The following MYCBP2 variants were observed in gnomAD, a reference collection of about 807,000 sequenced individuals.
The protein encoded by MYCBP2 is E3 ubiquitin-protein ligase MYCBP2.
Under a neutral mutation model 525.3 loss-of-function variants are expected in MYCBP2, and 120 were observed. The observed-to-expected ratio is 0.23, with a 90% CI of 0.20 to 0.27. The LOEUF (loss-of-function observed/expected upper bound fraction) is 0.27. MYCBP2 is among the 10% of genes least tolerant of loss of function. MYCBP2 has a pLI of 1.00. For missense variants in MYCBP2, 4,149 were observed against 5,657.1 expected (o/e 0.73, Z 8.55); for synonymous variants, 1,894 against 1,955.8 (o/e 0.97, Z 0.83).
chr13:77,323,985 A>G (rs1055724945), intron 1 of MYCBP2, among the ~76,000 whole-genome samples: 7 of 151,510 alleles, frequency 4.6e-5, no homozygotes, highest in Non-Finnish European at 1.0e-4. Flanking sequence ...CCCCTCTCTC[A>G]CTTCTTCACT....
chr13:77,326,508 G>C lies in MYCBP2; in HGVS notation c.268C>G (p.Gln90Glu), dbSNP rs756932934. ...GGGTGTCCAGCGCTGCCGCCCCCCT[G>C]GTCCCTGTCATTGAGCGCAGCGGTA... ...IYTAALNDRDQGGGSAGHPAS... is the reference protein window; with the variant it reads ...IYTAALNDRDEGGGSAGHPAS... Residue 90 changes from glutamine to glutamate, a missense_variant, in exon 1 of 83, where the codon CAG becomes GAG. Around this residue, in one of 21 missense-constraint regions of MYCBP2, gnomAD observed 413 missense variants for 451.2 expected, o/e 0.92. Coordinates refer to ENST00000544440, the MANE Select transcript of MYCBP2 (RefSeq NM_015057.5). This position sits in a 1 kb window ranked among gnomAD's most constrained non-coding sequence, Gnocchi z 4.2. 4.4e-6 allele frequency: 7 copies of C among 1,593,562 alleles called. No homozygotes were observed. Among genetic ancestry groups the C allele is most frequent in the Middle Eastern group, 1.7e-4 (1 of 6,006 alleles).
chr13:77,083,637 G>T (rs2043702938), intron 62 of MYCBP2, among the ~76,000 whole-genome samples: 1 of 151,616 alleles, frequency 6.6e-6, no homozygotes, highest in Admixed American at 6.6e-5. Context: ...ATGTGAATTA[G>T]AAAAAAAAGC....
chr13:77,180,043 CA>C, intron 34 of MYCBP2, 83 bp downstream of exon 34: 1 of 1,197,900 alleles, frequency 8.3e-7, no homozygotes, highest in Non-Finnish European at 1.2e-6. Flanking sequence ...TTAGCTTCCA[CA>C]AAGCCAAAAT....
chr13:77,138,337 C>T (rs1333384547), intron 52 of MYCBP2, among the ~76,000 whole-genome samples: 1 of 152,140 alleles, frequency 6.6e-6, no homozygotes, highest in East Asian at 1.9e-4. Context: ...ATATAAACTA[C>T]TGCTTTGGAG....
intron 76 of MYCBP2, among the ~76,000 whole-genome samples, chr13:77,060,906 A>G (rs1265439993): frequency 6.6e-6 from 1 of 152,200 alleles, no homozygotes; most frequent in Admixed American, 6.5e-5. Context: ...CTCTCACTTT[A>G]TAAATGAAGT....
chr13:77,322,608 A>G (rs1423437070), intron 1 of MYCBP2, among the ~76,000 whole-genome samples: 2 of 152,236 alleles, frequency 1.3e-5, no homozygotes, highest in African/African-American at 2.4e-5. Flanking sequence ...GGCACTTACC[A>G]GGTGCGGACA....
At position 77,186,046 on chromosome 13, in the gene MYCBP2, C is replaced by A. The variant is rs1268139566; in HGVS notation, c.4269G>T (p.Leu1423Phe). ...TCCAGCTCCAGTGAAGAATACTCAA[C>A]AATGACTCAAAACATTCCTAATCCA... ...RTVSVECFESLLSILHWSWTT... is the reference protein window; with the variant it reads ...RTVSVECFESFLSILHWSWTT... Residue 1423 changes from leucine to phenylalanine, a missense_variant, in exon 31 of 83, where the codon TTG becomes TTT. By Grantham distance (22) the Leu-to-Phe change is conservative (BLOSUM62 0). Transcript: ENST00000544440. 6.3e-7 allele frequency: 1 copy of A among 1,590,868 alleles called. No homozygotes were observed. The highest frequency in any genetic ancestry group is 8.5e-7 in the Non-Finnish European group (1 of 1,171,348).
rs1226077192 is a variant in MYCBP2 at position 77,121,560 on chromosome 13, G to A, written c.8018-65C>T. On this transcript the variant is annotated intron_variant, in intron 54 of 82. Coordinates refer to ENST00000544440, the MANE Select transcript of MYCBP2 (RefSeq NM_015057.5). Reference sequence around the variant, plus strand: ...TGCTATTCCCTATTCATACAACAAAGAGAGAAAATTGCAAAAGATTTTATG... The same window carrying A: ...TGCTATTCCCTATTCATACAACAAAAAGAGAAAATTGCAAAAGATTTTATG... The A allele has an allele frequency of 3.6e-6, 5 of 1,374,954 alleles. No homozygotes were observed. In the African/African-American group the frequency reaches 5.9e-5, roughly 16 times the overall value. 85.2% of individuals were successfully genotyped at this position (1,374,954 alleles called of 1,614,324 possible). A position where few individuals can be genotyped will look rare whatever the true frequency, so the allele number is the denominator to read the frequency against.
intron 1 of MYCBP2, among the ~76,000 whole-genome samples, chr13:77,311,506 C>T (rs73223457): frequency 0.02 from 2,969 of 147,668 alleles, 56 homozygotes; most frequent in Middle Eastern, 0.072. Context: ...TGAGGAAAGA[C>T]AAGGACAACT....
intron 49 of MYCBP2, among the ~76,000 whole-genome samples, chr13:77,143,741 A>G (rs1371560584): frequency 6.6e-6 from 1 of 152,212 alleles, no homozygotes; most frequent in Admixed American, 6.5e-5. Flanking sequence ...AGTGGACTTA[A>G]GCAAACCTAG....
At chr13:77,229,481 T>C (rs2066823723) in intron 18 of MYCBP2, among the ~76,000 whole-genome samples, 1 of 152,194 alleles carries the variant, frequency 6.6e-6, no homozygotes, top group African/African-American at 2.4e-5. Context: ...TTAAATCCTT[T>C]GTAAAAATAA....
intron 55 of MYCBP2, chr13:77,118,543 T>A (rs758086571): frequency 2.6e-6 from 2 of 759,562 alleles, no homozygotes; most frequent in Admixed American, 1.7e-5. Flanking sequence ...TTCATTAACA[T>A]CCAAAATGGC....
At chr13:77,082,254 C>A (rs2043429522) in intron 63 of MYCBP2, 3 of 326,248 alleles carry the variant, frequency 9.2e-6, no homozygotes, top group African/African-American at 2.1e-5. Flanking sequence ...AAGATCAAGG[C>A]TACAGAAGCA....
intron 19 of MYCBP2, 151 bp downstream of exon 19, chr13:77,225,284 G>A: frequency 1.1e-6 from 1 of 926,060 alleles, no homozygotes; most frequent in South Asian, 2.1e-5. Flanking sequence ...AAGAGATTCT[G>A]TAATAAATAC....
intron 18 of MYCBP2, among the ~76,000 whole-genome samples, chr13:77,227,496 ACACAC>A (rs2066459216): frequency 6.6e-6 from 1 of 151,482 alleles, no homozygotes. Context: ...ACACACACAC[ACACAC>A]ACACACACAC....
At position 77,097,696 on chromosome 13, in the gene MYCBP2, T is replaced by G; in HGVS notation, c.9458A>C (p.Lys3153Thr). 1 of 1,613,704 alleles carries G rather than the reference T, an allele frequency of 6.2e-7. No homozygotes were observed. Among genetic ancestry groups the G allele is most frequent in the Non-Finnish European group, 8.5e-7 (1 of 1,179,784 alleles). The part of the protein sequence containing the change: ...EMSMHNTMKS[K>T]SPLPLTLQHL... ...TTGTAAAGTTAAGGGAAGAGGAGAC[T>G]TAGACTTCATTGTGTTATGCATGGA... Residue 3153 changes from lysine to threonine, a missense_variant, in exon 56 of 83, where the codon AAG (lysine) becomes ACG (threonine). Around this residue, in one of 21 missense-constraint regions of MYCBP2, gnomAD observed 653 missense variants for 744.7 expected, o/e 0.88. Coordinates refer to ENST00000544440, the MANE Select transcript of MYCBP2 (RefSeq NM_015057.5).
In MYCBP2 at chr13:77,055,697, C is replaced by T. The variant is rs1357849455; in HGVS notation, c.13508G>A (p.Arg4503Lys). 1 of 1,614,012 alleles carries T rather than the reference C, an allele frequency of 6.2e-7. No homozygotes were observed. Among genetic ancestry groups the T allele is most frequent in the Admixed American group, 1.7e-5 (1 of 60,032 alleles). The change falls in exon 80 of 83, where the codon AGA becomes AAA. Residue 4503 changes from arginine to lysine, a missense_variant. Around this residue, in one of 21 missense-constraint regions of MYCBP2, gnomAD observed 220 missense variants for 396.0 expected, o/e 0.56. Transcript: ENST00000544440. ...ATATTCCAATCTCATTAAGGCTTTT[C>T]TTCTGACATCCTCATAGAGTTCTTT... is the stretch of plus-strand genomic sequence containing the variant. ...PIKELYEDVRRKALMRLEYEG... is the reference protein window; with the variant it reads ...PIKELYEDVRKKALMRLEYEG...
At chr13:77,292,434 T>C (rs1340251235) in intron 2 of MYCBP2, among the ~76,000 whole-genome samples, 1 of 151,850 alleles carries the variant, frequency 6.6e-6, no homozygotes, top group African/African-American at 2.4e-5. Context: ...CACAAGTGCA[T>C]ATATATGTAT....
At chr13:77,251,492 A>G (rs1382898104) in intron 14 of MYCBP2, 137 bp from the exon 15 acceptor site, 9 of 703,030 alleles carry the variant, frequency 1.3e-5, no homozygotes, top group Non-Finnish European at 1.9e-5. Flanking sequence ...AATTTGAGTA[A>G]CAAAAATAAA....
Sources: allele counts gnomAD v4.1 joint callset (sites outside exome capture counted in the v4.1 genomes callset), GRCh38; gene constraint gnomAD v4.1.1; regional missense constraint gnomAD v4.1.1; non-coding constraint Gnocchi (gnomAD v3.1); transcripts MANE v1.5; gene names NCBI Gene and HGNC (gene_info 2026-07-23, HGNC 2026-07-21).